The following DCLK2 variants were observed in gnomAD, a reference collection of about 807,000 sequenced individuals.
The protein encoded by DCLK2 is serine/threonine-protein kinase DCLK2.
A neutral mutation model predicts 78.4 loss-of-function variants in DCLK2; 31 were observed. That is an observed-to-expected ratio of 0.40 (90% CI 0.30 to 0.53). The LOEUF (loss-of-function observed/expected upper bound fraction) is 0.53, where lower values mean the gene tolerates loss of function less well. DCLK2 is among the 20% of genes least tolerant of loss of function. The pLI is 0.61. For synonymous variants in DCLK2, 407 were observed against 374.9 expected, an observed-to-expected ratio of 1.09 and a Z score of -0.99; for missense variants, 872 against 973.7, an observed-to-expected ratio of 0.90 and a Z score of 1.39.
chr4:150,234,710 C>T lies in DCLK2; in HGVS notation c.1566+1882C>T, dbSNP rs554279938. Among the ~76,000 whole-genome samples, 25 of 146,778 alleles carry T rather than the reference C, an allele frequency of 1.7e-4. No individual in the cohort carries two copies. The South Asian group carries it at 5.4e-3, about 32-fold the overall frequency. On this transcript the variant is annotated intron_variant, in intron 10 of 15. Coordinates refer to ENST00000296550, the MANE Select transcript of DCLK2 (RefSeq NM_001040260.4). ...GCCTTGAGGGAATTATATTTCATTT[C>T]TATATGTTCTTATTAGGAAAAGAAA...
chr4:150,229,176 C>CA (rs559538064), intron 8 of DCLK2, among the ~76,000 whole-genome samples: 3 of 151,772 alleles, frequency 2.0e-5, no homozygotes, highest in African/African-American at 4.8e-5. Context: ...CCCATTTCTG[C>CA]AAAAAAATAA....
chr4:150,227,687 T>A (rs1199949500), intron 8 of DCLK2, among the ~76,000 whole-genome samples: 1 of 152,208 alleles, frequency 6.6e-6, no homozygotes, highest in African/African-American at 2.4e-5. Context: ...TTCTTCCAGT[T>A]CTAATATTCT....
chr4:150,131,425 A>T (rs1332135283), intron 2 of DCLK2, among the ~76,000 whole-genome samples: 1 of 152,188 alleles, frequency 6.6e-6, no homozygotes, highest in Non-Finnish European at 1.5e-5. Flanking sequence ...TATTGTTTTT[A>T]CCTAAGTACA....
At chr4:150,197,454 C>T (rs1739130030) in intron 3 of DCLK2, among the ~76,000 whole-genome samples, 1 of 152,122 alleles carries the variant, frequency 6.6e-6, no homozygotes, top group Non-Finnish European at 1.5e-5. Flanking sequence ...GAGGTGATAT[C>T]CCAAGATGTG....
At chr4:150,162,090 G>A (rs544489342) in intron 2 of DCLK2, among the ~76,000 whole-genome samples, 16 of 152,056 alleles carry the variant, frequency 1.1e-4, no homozygotes, top group Non-Finnish European at 2.2e-4. Context: ...GAGTGCAGTT[G>A]TACAAACATG....
At chr4:150,079,575 C>A in intron 1 of DCLK2, 127 bp downstream of exon 1, 2 of 978,744 alleles carry the variant, frequency 2.0e-6, no homozygotes, top group Non-Finnish European at 2.9e-6. Flanking sequence ...CTTCTGTCTG[C>A]TTCTCTAGAG....
intron 2 of DCLK2, among the ~76,000 whole-genome samples, chr4:150,125,121 T>C (rs918814483): frequency 2.0e-5 from 3 of 152,192 alleles, no homozygotes; most frequent in Non-Finnish European, 4.4e-5. Flanking sequence ...CTCAAGATCA[T>C]CTTGTGGTAG....
chr4:150,244,115 C>T (rs989333907), intron 12 of DCLK2, among the ~76,000 whole-genome samples: 2 of 151,610 alleles, frequency 1.3e-5, no homozygotes, highest in African/African-American at 4.8e-5. Context: ...TGAAGTTTTT[C>T]GTTGAGATGG....
At chr4:150,110,523 T>G (rs1731601556) in intron 2 of DCLK2, among the ~76,000 whole-genome samples, 1 of 152,168 alleles carries the variant, frequency 6.6e-6, no homozygotes, top group Non-Finnish European at 1.5e-5. Context: ...CACAGTGGTT[T>G]TTGGTTACAT....
At chr4:150,245,026 G>T (rs1352658305) in intron 12 of DCLK2, among the ~76,000 whole-genome samples, 1 of 151,372 alleles carries the variant, frequency 6.6e-6, no homozygotes, top group African/African-American at 2.4e-5. Flanking sequence ...AAGAATGATT[G>T]TGGAAATAGC....
intron 2 of DCLK2, among the ~76,000 whole-genome samples, chr4:150,127,235 A>G (rs1732983502): frequency 6.6e-6 from 1 of 152,170 alleles, no homozygotes; most frequent in Admixed American, 6.5e-5. Context: ...GAGAGTGTGC[A>G]ATACCTTGTT....
chr4:150,229,018 G>A (rs12506758), intron 8 of DCLK2, among the ~76,000 whole-genome samples: 8,445 of 148,876 alleles, frequency 0.057, 352 homozygotes, highest in East Asian at 0.2. Flanking sequence ...GGGCAACAGA[G>A]CGAGACTCCG....
intron 5 of DCLK2, among the ~76,000 whole-genome samples, chr4:150,213,886 C>T (rs994963025): frequency 6.6e-6 from 1 of 152,172 alleles, no homozygotes; most frequent in African/African-American, 2.4e-5. Context: ...TGAGAATCGC[C>T]AAGAAGCTCT....
At position 150,253,626 on chromosome 4, in the gene DCLK2, A is replaced by G. The variant is rs1369668177; in HGVS notation, c.2074-2394A>G. 4 of 1,280,504 alleles carry G rather than the reference A, an allele frequency of 3.1e-6. No individual in the cohort carries two copies. In the African/African-American group the frequency reaches 6.1e-5, roughly 20 times the overall value. 79.3% of individuals were successfully genotyped at this position (1,280,504 alleles called of 1,614,324 possible). On this transcript the variant is annotated intron_variant, in intron 15 of 15. Coordinates refer to ENST00000296550, the MANE Select transcript of DCLK2 (RefSeq NM_001040260.4). The stretch of plus-strand genomic sequence containing the variant: ...CCTCTCACGCCTGCATGCTTGTCTC[A>G]GTTTCTGATGCCGCCGTCCGGCTCT...
At chr4:150,166,808 G>A (rs766681847) in intron 2 of DCLK2, among the ~76,000 whole-genome samples, 6 of 152,114 alleles carry the variant, frequency 3.9e-5, no homozygotes, top group Non-Finnish European at 7.3e-5. Flanking sequence ...CTGATTGCTG[G>A]TCCTTTTCTG....
At chr4:150,161,962 G>A (rs947091101) in intron 2 of DCLK2, among the ~76,000 whole-genome samples, 1 of 152,098 alleles carries the variant, frequency 6.6e-6, no homozygotes, top group African/African-American at 2.4e-5. Context: ...TCAGACCTCA[G>A]CAGAGTCATG....
At chr4:150,145,893 T>C (rs751991871) in intron 2 of DCLK2, among the ~76,000 whole-genome samples, 17 of 152,096 alleles carry the variant, frequency 1.1e-4, no homozygotes, top group Non-Finnish European at 1.8e-4. Context: ...CAAAGCTTTT[T>C]ATAAAAAGAG....
chr4:150,198,232 G>A (rs1739205442), intron 4 of DCLK2, 129 bp downstream of exon 4: 4 of 736,446 alleles, frequency 5.4e-6, no homozygotes, highest in East Asian at 3.1e-5. Flanking sequence ...AAACAGAGAT[G>A]ATGTGACTTT....
chr4:150,081,997 C>CA (rs1216080802), intron 1 of DCLK2, among the ~76,000 whole-genome samples: 5,506 of 59,558 alleles, frequency 0.092, 348 homozygotes, highest in African/African-American at 0.24. Context: ...GACTCTGTCT[C>CA]AAAAAAAAAA....
Sources: allele counts gnomAD v4.1 joint callset (sites outside exome capture counted in the v4.1 genomes callset), GRCh38; gene constraint gnomAD v4.1.1; transcripts MANE v1.5; gene names NCBI Gene and HGNC (gene_info 2026-07-23, HGNC 2026-07-21).